The following COTL1 variants were observed in gnomAD, a reference collection of about 807,000 sequenced individuals.
COTL1 encodes coactosin like F-actin binding protein 1.
COTL1 carries 15 observed loss-of-function variants against 16.5 expected under a neutral mutation model. The observed-to-expected ratio is 0.91, with a 90% CI of 0.61 to 1.40. The LOEUF (loss-of-function observed/expected upper bound fraction) is 1.40. Ranked by LOEUF, COTL1 falls within the 40% of genes most tolerant of loss-of-function variation. COTL1 has a pLI of 0.00. For synonymous variants in COTL1, 112 were observed against 85.3 expected (o/e 1.31, Z -1.73); for missense variants, 220 against 201.5 (o/e 1.09, Z -0.56).
chr16:84,582,319 G>T (rs1345162515), intron 3 of COTL1, among the ~76,000 whole-genome samples: 1 of 151,992 alleles, frequency 6.6e-6, no homozygotes, highest in Admixed American at 6.6e-5. Context: ...TAAAAATTAT[G>T]TTAAAACAGA....
intron 3 of COTL1, among the ~76,000 whole-genome samples, chr16:84,583,229 C>G (rs1240284904): frequency 6.6e-6 from 1 of 152,152 alleles, no homozygotes; most frequent in African/African-American, 2.4e-5. Flanking sequence ...TCCCAAGCTC[C>G]TCATCTATAA....
In COTL1 at chr16:84,566,887, C is replaced by T. The variant is rs1299204920; in HGVS notation, c.387G>A (p.Leu129=). The change falls in exon 4 of 4, where the codon CTG becomes CTA. Residue 129 remains leucine, a synonymous_variant. Transcript: ENST00000262428. ...ELEEDFIKSE[L]KKAGGANYDA... ...CGTAATTGGCTCCCCCCGCCTTCTT[C>T]AGCTCGCTCTTGATGAAATCTTCCT... 5.0e-6 allele frequency: 8 copies of T among 1,614,072 alleles called. No homozygotes were observed. The South Asian group carries it at 8.8e-5, about 18-fold the overall frequency.
intron 3 of COTL1, 46 bp from the exon 4 acceptor site, chr16:84,567,001 CACAGGA>C: frequency 7.1e-7 from 1 of 1,399,606 alleles, no homozygotes; most frequent in Non-Finnish European, 1.0e-6. Context: ...AGAAGGAAGG[CACAGGA>C]TGTGAGGGTG....
At chr16:84,574,454 C>T (rs367648317) in intron 3 of COTL1, among the ~76,000 whole-genome samples, 21 of 152,304 alleles carry the variant, frequency 1.4e-4, no homozygotes, top group South Asian at 4.2e-4. Context: ...AGCTGCCAGA[C>T]GGGGGACTTC....
At chr16:84,603,760 G>A (rs1905151501) in intron 2 of COTL1, among the ~76,000 whole-genome samples, 1 of 152,056 alleles carries the variant, frequency 6.6e-6, no homozygotes, top group African/African-American at 2.4e-5. Context: ...CATGCCTGGG[G>A]ACCCAGAAGA....
At chr16:84,600,777 C>G (rs751394179) in intron 2 of COTL1, among the ~76,000 whole-genome samples, 2 of 152,160 alleles carry the variant, frequency 1.3e-5, no homozygotes, top group African/African-American at 2.4e-5. Context: ...AATGACCCAG[C>G]TTTCCTAGCT....
At chr16:84,606,414 T>G (rs998748300) in intron 2 of COTL1, among the ~76,000 whole-genome samples, 1 of 152,256 alleles carries the variant, frequency 6.6e-6, no homozygotes, top group Non-Finnish European at 1.5e-5. Context: ...CTGTGCAGGC[T>G]GCCAGGTACT....
At chr16:84,606,436 T>C (rs145556479) in intron 2 of COTL1, among the ~76,000 whole-genome samples, 88 of 152,376 alleles carry the variant, frequency 5.8e-4, no homozygotes, top group African/African-American at 2.0e-3. Context: ...TTCCCAGCGC[T>C]GCCAATACTG....
intron 3 of COTL1, among the ~76,000 whole-genome samples, chr16:84,570,237 C>T (rs111728077): frequency 0.12 from 18,406 of 152,204 alleles, 1,337 homozygotes; most frequent in East Asian, 0.31. Context: ...GATGGCGCCA[C>T]TGCACTCCAG....
At chr16:84,569,815 T>C (rs1286430606) in intron 3 of COTL1, among the ~76,000 whole-genome samples, 3 of 152,130 alleles carry the variant, frequency 2.0e-5, no homozygotes, top group Non-Finnish European at 4.4e-5. Flanking sequence ...CCCCACGGCA[T>C]GAGGGAGGGG....
At chr16:84,607,365 A>AGCC (rs1468680169) in intron 2 of COTL1, among the ~76,000 whole-genome samples, 1 of 152,106 alleles carries the variant, frequency 6.6e-6, no homozygotes, top group African/African-American at 2.4e-5. Flanking sequence ...AAGAGCTGAG[A>AGCC]GCCTCGGACA....
chr16:84,602,786 C>G (rs1905127293), intron 2 of COTL1, among the ~76,000 whole-genome samples: 1 of 150,636 alleles, frequency 6.6e-6, no homozygotes, highest in Admixed American at 6.6e-5. Flanking sequence ...GTCCAGGAGG[C>G]AGAGGTTGCA....
At chr16:84,587,027 G>C (rs1216534502) in intron 3 of COTL1, among the ~76,000 whole-genome samples, 1 of 152,218 alleles carries the variant, frequency 6.6e-6, no homozygotes, top group African/African-American at 2.4e-5. Flanking sequence ...AGTGGGCCAA[G>C]CACGGCGGGC....
intron 3 of COTL1, among the ~76,000 whole-genome samples, chr16:84,575,034 CATT>C (rs1268986945): frequency 6.6e-6 from 1 of 152,096 alleles, no homozygotes; most frequent in Non-Finnish European, 1.5e-5. Flanking sequence ...ATTCTTTTCT[CATT>C]TATTTATTTA....
intron 2 of COTL1, among the ~76,000 whole-genome samples, chr16:84,594,230 C>T (rs1904942140): frequency 6.6e-6 from 1 of 152,240 alleles, no homozygotes. Context: ...CCTCCCTTAT[C>T]AGTTGACCAT....
intron 2 of COTL1, among the ~76,000 whole-genome samples, chr16:84,591,634 TAAAAAAAAAAAAAAAA>T (rs372775821): frequency 0.42 from 32,557 of 77,162 alleles, 5,090 homozygotes; most frequent in Middle Eastern, 0.58. Flanking sequence ...ATCACCTCTC[TAAAAAAAAAAAAAAAA>T]AAAAAAAAAA....
In COTL1 at chr16:84,581,163, A is replaced by ATGT. The variant is rs879433025; in HGVS notation, c.318+8941_318+8942insACA. On this transcript the variant is annotated intron_variant, in intron 3 of 3. Transcript: ENST00000262428. ...TCTAAAAACAAACAAACAAACAAAT[A>ATGT]AATATATGTATGTATGTATGTATGT... Among the ~76,000 whole-genome samples, 448 of 148,086 alleles carry ATGT rather than the reference A, an allele frequency of 3.0e-3. 5 individuals carry two copies. The highest frequency in any genetic ancestry group is 0.011 in the African/African-American group (423 of 39,334).
intron 3 of COTL1, among the ~76,000 whole-genome samples, chr16:84,585,604 G>A (rs181873515): frequency 1.4e-4 from 21 of 152,272 alleles, no homozygotes; most frequent in African/African-American, 4.3e-4. Flanking sequence ...CATGGCACCC[G>A]GAATGGGCCC....
At chr16:84,588,756 A>G (rs775446947) in intron 3 of COTL1, among the ~76,000 whole-genome samples, 33 of 151,820 alleles carry the variant, frequency 2.2e-4, no homozygotes, top group Non-Finnish European at 3.5e-4. Context: ...GACACAAGCA[A>G]TCCTCCCACC....
Sources: gnomAD v4.1 joint callset for allele counts (sites outside exome capture counted in the v4.1 genomes callset) on GRCh38, gnomAD v4.1.1 for gene constraint, MANE v1.5 for transcripts, NCBI Gene and HGNC (gene_info 2026-07-23, HGNC 2026-07-21) for gene names.